MCMDC2: variants seen among roughly 807,000 people sequenced by gnomAD.
MCMDC2 encodes the protein minichromosome maintenance domain-containing protein 2.
Under a neutral mutation model 75.8 loss-of-function variants are expected in MCMDC2, and 54 were observed. The ratio of observed to expected loss-of-function variants is 0.71; its 90% CI spans 0.57 to 0.89. The LOEUF (loss-of-function observed/expected upper bound fraction) is 0.89, where lower values mean the gene tolerates loss of function less well. Among genes scored for constraint, MCMDC2 ranks in the 40% least tolerant of loss-of-function variants. MCMDC2 has a pLI of 0.00. For synonymous variants in MCMDC2, 249 were observed against 274.6 expected (o/e 0.91, Z 0.92); for missense variants, 656 against 780.4 (o/e 0.84, Z 1.90).
chr8:66,898,173 A>G (rs1329079564), intron 12 of MCMDC2, among the ~76,000 whole-genome samples: 1 of 152,172 alleles, frequency 6.6e-6, no homozygotes, highest in Non-Finnish European at 1.5e-5. Context: ...GCCCTGACAA[A>G]TGTTGCCCAT....
chr8:66,876,846 C>T (rs760699672), intron 4 of MCMDC2, among the ~76,000 whole-genome samples: 5 of 152,170 alleles, frequency 3.3e-5, no homozygotes, highest in African/African-American at 4.8e-5. Flanking sequence ...CTGCAAGCTC[C>T]GCCTCCCGTG....
intron 7 of MCMDC2, 93 bp from the exon 8 acceptor site, chr8:66,880,756 A>G: frequency 8.2e-7 from 1 of 1,216,262 alleles, no homozygotes; most frequent in Non-Finnish European, 1.1e-6. Flanking sequence ...CAACTACTGA[A>G]TTGTTTTACT....
intron 9 of MCMDC2, among the ~76,000 whole-genome samples, chr8:66,884,784 C>T (rs1313626486): frequency 6.6e-6 from 1 of 151,594 alleles, no homozygotes; most frequent in Non-Finnish European, 1.5e-5. Context: ...TTTTTGTTAT[C>T]ATTATTTTTT....
chr8:66,913,481 A>G (rs1010161109), intron 14 of MCMDC2, among the ~76,000 whole-genome samples: 1 of 152,204 alleles, frequency 6.6e-6, no homozygotes, highest in African/African-American at 2.4e-5. Context: ...AGTGTGTTAT[A>G]TGTTCTCATA....
At chr8:66,918,297 T>C (rs1015194515) in intron 14 of MCMDC2, among the ~76,000 whole-genome samples, 1 of 152,200 alleles carries the variant, frequency 6.6e-6, no homozygotes, top group African/African-American at 2.4e-5. Flanking sequence ...TTGCAAGTAT[T>C]TTCTCCCATT....
Position 66,891,028 on chromosome 8 carries a change from T to G in MCMDC2, c.1237T>G (p.Leu413Val), listed in dbSNP as rs780012297. ...AKGGICFIGD[L>V]ASHKKDKLEQ... ...AGGTGGTATCTGCTTTATAGGAGAC[T>G]TGGCTTCACACAAAAAAGATAAACT... Residue 413 changes from leucine (L) to valine (V), a missense_variant, in exon 10 of 15, where the codon TTG becomes GTG. Coordinates refer to ENST00000422365, the MANE Select transcript of MCMDC2 (RefSeq NM_173518.5). The G allele has an allele frequency of 2.5e-6, 4 of 1,592,636 alleles. No individual in the cohort carries two copies. Among genetic ancestry groups the G allele is most frequent in the Non-Finnish European group, 3.4e-6 (4 of 1,175,270 alleles).
chr8:66,871,273 G>C (rs1811004539), intron 1 of MCMDC2, among the ~76,000 whole-genome samples: 1 of 152,036 alleles, frequency 6.6e-6, no homozygotes, highest in South Asian at 2.1e-4. Flanking sequence ...ACATCTATCA[G>C]GGAATCCCAA....
chr8:66,880,074 C>A (rs192908929), intron 7 of MCMDC2, among the ~76,000 whole-genome samples: 1 of 151,996 alleles, frequency 6.6e-6, no homozygotes, highest in East Asian at 1.9e-4. Context: ...AAAGTGTTGC[C>A]CAAGCTCTAG....
At chr8:66,904,053 A>G (rs1310556548) in intron 13 of MCMDC2, among the ~76,000 whole-genome samples, 1 of 152,178 alleles carries the variant, frequency 6.6e-6, no homozygotes, top group African/African-American at 2.4e-5. Flanking sequence ...CATTCTTTTT[A>G]TGTTTAATAA....
chr8:66,902,711 A>ATATATAT (rs1554530727), intron 13 of MCMDC2, among the ~76,000 whole-genome samples: 15 of 67,930 alleles, frequency 2.2e-4, no homozygotes, highest in East Asian at 1.0e-3. Flanking sequence ...AAAAAAAAAA[A>ATATATAT]ATATATATAT....
At chr8:66,887,038 G>A (rs1811876725) in intron 9 of MCMDC2, among the ~76,000 whole-genome samples, 1 of 152,056 alleles carries the variant, frequency 6.6e-6, no homozygotes, top group Admixed American at 6.6e-5. Context: ...TGAAGTGTCT[G>A]TTTTTATAAA....
chr8:66,917,846 T>G (rs1354735226), intron 14 of MCMDC2, among the ~76,000 whole-genome samples: 2 of 152,242 alleles, frequency 1.3e-5, no homozygotes, highest in Non-Finnish European at 2.9e-5. Flanking sequence ...TTGTCTATTG[T>G]GAATTACACT....
In MCMDC2 at chr8:66,878,574, G is replaced by A. The variant is rs1811408012; in HGVS notation, c.482G>A (p.Gly161Glu). The stretch of plus-strand genomic sequence containing the variant: ...GTATGTTACCACTGTTTTCTTTCAG[G>A]ATTTCAGTATATAAGAGTGCATGTG... ...CSDEACPLSK[G>E]FQYIRVHVPG... Residue 161 changes from glycine (G) to glutamate (E), a missense_variant and splice_region_variant, in exon 6 of 15, where the codon GGA becomes GAA. Physicochemically the swap from Gly to Glu is moderately conservative, Grantham distance 98. Coordinates refer to ENST00000422365, the MANE Select transcript of MCMDC2 (RefSeq NM_173518.5). 6.4e-7 allele frequency: 1 copy of A among 1,570,080 alleles called. No individual in the cohort carries two copies. Among genetic ancestry groups the A allele is most frequent in the South Asian group, 1.2e-5 (1 of 80,096 alleles).
rs1813455503 is a variant in MCMDC2, at chr8:66,919,912, T to C, written c.*743T>C. On this transcript the variant is annotated 3_prime_UTR_variant, in exon 15 of 15. Coordinates refer to ENST00000422365, the MANE Select transcript of MCMDC2 (RefSeq NM_173518.5). ...AGTCCTCATTTTTGGAGGGAAGATA[T>C]CTGCTCTGAAAAGATAGGGGCACCA... 1.3e-5 allele frequency: 2 copies of C among 152,190 alleles called. No homozygotes were observed. The highest frequency in any genetic ancestry group is 2.9e-5 in the Non-Finnish European group (2 of 68,036). 9.4% of individuals were successfully genotyped at this position (152,190 alleles called of 1,614,324 possible).
chr8:66,896,664 G>T, intron 11 of MCMDC2, 116 bp from the exon 12 acceptor site: 1 of 729,530 alleles, frequency 1.4e-6, no homozygotes. Context: ...TAATTAATAT[G>T]ATAAATAATA....
chr8:66,922,304 T>C (rs1238334782), downstream of MCMDC2: 1 of 305,934 alleles, frequency 3.3e-6, no homozygotes, highest in Admixed American at 4.4e-5. Flanking sequence ...GCAGACATAG[T>C]TGCTTGACAA....
chr8:66,902,711 A>AAAATATATATAT (rs1467425752), intron 13 of MCMDC2, among the ~76,000 whole-genome samples: 3 of 67,928 alleles, frequency 4.4e-5, no homozygotes, highest in East Asian at 5.0e-4. Flanking sequence ...AAAAAAAAAA[A>AAAATATATATAT]ATATATATAT....
chr8:66,880,280 A>T (rs1279561411), intron 7 of MCMDC2, among the ~76,000 whole-genome samples: 1 of 152,186 alleles, frequency 6.6e-6, no homozygotes, highest in African/African-American at 2.4e-5. Context: ...TGTAATCCCA[A>T]CACTTTAGGA....
chr8:66,918,967 A>G (rs770965918), intron 14 of MCMDC2, 36 bp from the exon 15 acceptor site: 8 of 1,400,206 alleles, frequency 5.7e-6, no homozygotes, highest in Non-Finnish European at 6.6e-6. Context: ...TTTAAGGAGT[A>G]TTTGTCATTT....
Sources: allele counts gnomAD v4.1 joint callset (sites outside exome capture counted in the v4.1 genomes callset), GRCh38; gene constraint gnomAD v4.1.1; transcripts MANE v1.5; gene names NCBI Gene and HGNC (gene_info 2026-07-23, HGNC 2026-07-21).